The following DOCK2 variants were observed in gnomAD, a reference collection of about 807,000 sequenced individuals.
The protein encoded by DOCK2 is dedicator of cytokinesis 2.
DOCK2 carries 87 observed loss-of-function variants against 248.9 expected under a neutral mutation model. The ratio of observed to expected loss-of-function variants is 0.35; its 90% CI spans 0.29 to 0.42. The LOEUF (loss-of-function observed/expected upper bound fraction) is 0.42. Ranked by LOEUF, DOCK2 falls within the 10% of genes least tolerant of loss-of-function variation. The probability of loss-of-function intolerance (pLI) is 1.00; values close to 1 mark genes in which losing one functional copy is unlikely to be tolerated. For missense variants in DOCK2, 1,747 were observed against 2,300.2 expected (o/e 0.76, Z 4.92); for synonymous variants, 805 against 821.6 (o/e 0.98, Z 0.35).
intron 27 of DOCK2, among the ~76,000 whole-genome samples, chr5:169,959,784 C>G (rs1777009552): frequency 6.6e-6 from 1 of 152,034 alleles, no homozygotes; most frequent in South Asian, 2.1e-4. Flanking sequence ...CTAGAGAGAT[C>G]TAGAAGTAGT....
intron 25 of DOCK2, among the ~76,000 whole-genome samples, chr5:169,796,027 G>A (rs565697277): frequency 3.9e-5 from 6 of 152,322 alleles, no homozygotes; most frequent in South Asian, 2.1e-4. Context: ...CGATTAACCC[G>A]TGCTGGTGAC....
chr5:169,692,657 G>A (rs553053493), intron 9 of DOCK2, among the ~76,000 whole-genome samples: 1 of 152,276 alleles, frequency 6.6e-6, no homozygotes, highest in South Asian at 2.1e-4. Flanking sequence ...CTAGGTTTAT[G>A]TAGTATATTA....
At chr5:169,880,112 CT>C (rs1160469852) in intron 27 of DOCK2, among the ~76,000 whole-genome samples, 1 of 152,186 alleles carries the variant, frequency 6.6e-6, no homozygotes, top group Non-Finnish European at 1.5e-5. Context: ...GATGAAACTT[CT>C]GCTTAGGCTT....
intron 8 of DOCK2, among the ~76,000 whole-genome samples, chr5:169,688,615 TA>T (rs1274258621): frequency 2.0e-5 from 3 of 152,176 alleles, no homozygotes; most frequent in East Asian, 3.8e-4. Flanking sequence ...TGTTGACACT[TA>T]AAAATTTTCA....
At chr5:170,056,806 C>T (rs371262580) in intron 43 of DOCK2, 38 bp downstream of exon 43, 1 of 1,579,754 alleles carries the variant, frequency 6.3e-7, no homozygotes, top group African/African-American at 1.3e-5. Flanking sequence ...TCCCTGGAGC[C>T]ACCTGGAGGA....
At chr5:169,797,028 G>A (rs1376198455) in intron 25 of DOCK2, among the ~76,000 whole-genome samples, 1 of 152,236 alleles carries the variant, frequency 6.6e-6, no homozygotes, top group African/African-American at 2.4e-5. Context: ...GGAGCAGGTA[G>A]GGTGGTTAGG....
chr5:170,027,151 G>A (rs941027317), intron 33 of DOCK2, among the ~76,000 whole-genome samples: 4 of 151,870 alleles, frequency 2.6e-5, no homozygotes, highest in Non-Finnish European at 5.9e-5. Context: ...TTCAGCTTGA[G>A]CAAAAAGACT....
At chr5:170,047,719 C>A (rs1756765213) in intron 40 of DOCK2, 105 bp downstream of exon 40, 2 of 1,019,292 alleles carry the variant, frequency 2.0e-6, no homozygotes, top group Admixed American at 2.4e-5. Flanking sequence ...AAGCGGTGCT[C>A]TTCTCTGTCT....
chr5:170,027,951 A>G lies in DOCK2; in HGVS notation c.3467+3A>G. On this transcript the variant is annotated splice_donor_region_variant and intron_variant, in intron 34 of 51. Transcript: ENST00000520908. ...TACATGCAGCTCCTGGAGTCAATGT[A>G]AGTTCAGTGCCCTGTGTGTAGGAAC... The G allele has an allele frequency of 6.2e-6, 10 of 1,611,620 alleles. No individual in the cohort carries two copies. The highest frequency in any genetic ancestry group is 8.5e-6 in the Non-Finnish European group (10 of 1,178,600).
chr5:169,698,442 T>G lies in DOCK2; in HGVS notation c.1048T>G (p.Phe350Val). ...SDEEKQHFIP[F>V]HPVTAENDFL... ...TGAAGAAAAGCAGCACTTCATTCCT[T>G]TTCACCCGTAAGACATTTCCCATTT... Residue 350 changes from phenylalanine (F) to valine (V), a missense_variant, in exon 11 of 52, where the codon TTT becomes GTT. By Grantham distance (50) the Phe-to-Val change is conservative. This residue lies in a region of DOCK2 where 375 missense variants were observed against 510.9 expected (regional missense o/e 0.73). Transcript: ENST00000520908. The G allele has an allele frequency of 6.2e-7, 1 of 1,613,984 alleles. No homozygotes were observed. The highest frequency in any genetic ancestry group is 8.5e-7 in the Non-Finnish European group (1 of 1,179,892).
intron 38 of DOCK2, 133 bp from the exon 39 acceptor site, chr5:170,045,683 G>A: frequency 2.4e-6 from 2 of 837,444 alleles, no homozygotes; most frequent in Non-Finnish European, 4.0e-6. Flanking sequence ...CCTCTGTATG[G>A]GGGTGGATCT....
At chr5:169,724,312 A>G (rs1762357131) in intron 22 of DOCK2, among the ~76,000 whole-genome samples, 1 of 152,162 alleles carries the variant, frequency 6.6e-6, no homozygotes, top group East Asian at 1.9e-4. Flanking sequence ...CTGGAGCAGG[A>G]GTGGTCAGGA....
chr5:170,054,488 T>C (rs13361200), intron 41 of DOCK2, among the ~76,000 whole-genome samples: 70,962 of 152,078 alleles, frequency 0.47, 17,743 homozygotes, highest in African/African-American at 0.64. Flanking sequence ...CATAGTGCTT[T>C]TCCAATATCT....
chr5:169,834,042 T>G (rs1201135436), intron 26 of DOCK2, among the ~76,000 whole-genome samples: 1 of 145,498 alleles, frequency 6.9e-6, no homozygotes, highest in Non-Finnish European at 1.5e-5. Flanking sequence ...GCTCAGTCAG[T>G]GCTCTCCAGC....
rs371680459 is a variant in DOCK2, at chr5:169,944,757, G to A, written c.2800-38311G>A. On this transcript the variant is annotated intron_variant, in intron 27 of 51. Transcript: ENST00000520908. ...CTAGGAACCTTGCTTGCCCTTTCTG[G>A]AGAGCTCTAGAAGCACCTTGTGCTG... Among the ~76,000 whole-genome samples the A allele has an allele frequency of 1.8e-3, 278 of 152,306 alleles. 6 individuals are homozygous for A. The South Asian group carries it at 0.048, about 26-fold the overall frequency.
At chr5:169,812,812 A>C (rs155073) in intron 26 of DOCK2, among the ~76,000 whole-genome samples, 90,305 of 152,182 alleles carry the variant, frequency 0.59, 27,933 homozygotes, top group African/African-American at 0.77. Context: ...AGTACAGGGT[A>C]AAGTGGCTTC....
intron 27 of DOCK2, among the ~76,000 whole-genome samples, chr5:169,970,002 G>T (rs1307004994): frequency 6.6e-6 from 1 of 152,212 alleles, no homozygotes; most frequent in Admixed American, 6.5e-5. Flanking sequence ...ATTTCTGTGG[G>T]CTATGTGAGG....
intron 27 of DOCK2, among the ~76,000 whole-genome samples, chr5:169,872,121 C>G (rs1278271242): frequency 1.3e-5 from 2 of 152,202 alleles, no homozygotes; most frequent in Non-Finnish European, 2.9e-5. Flanking sequence ...GACAAACCAT[C>G]TTCCAAATTC....
intron 26 of DOCK2, among the ~76,000 whole-genome samples, chr5:169,822,507 C>T (rs1004057164): frequency 4.6e-5 from 7 of 152,260 alleles, no homozygotes; most frequent in African/African-American, 1.4e-4. Context: ...ACAACCTGCT[C>T]CTGAATGACT....
Sources: gnomAD v4.1 joint callset for allele counts (sites outside exome capture counted in the v4.1 genomes callset) on GRCh38, gnomAD v4.1.1 for gene constraint, gnomAD v4.1.1 regional missense constraint, MANE v1.5 for transcripts, NCBI Gene and HGNC (gene_info 2026-07-23, HGNC 2026-07-21) for gene names.